UMOD: variants seen among roughly 807,000 people sequenced by gnomAD.
The protein encoded by UMOD is Tamm-Horsfall urinary glycoprotein.
A neutral mutation model predicts 66.0 loss-of-function variants in UMOD; 64 were observed. That is an observed-to-expected ratio of 0.97 (90% CI 0.79 to 1.19). The LOEUF (loss-of-function observed/expected upper bound fraction) is 1.19, where lower values mean the gene tolerates loss of function less well. Ranked by LOEUF, UMOD falls within the 50% of genes most tolerant of loss-of-function variation. The pLI is 0.00. For synonymous variants in UMOD, 398 were observed against 352.7 expected (o/e 1.13, Z -1.44); for missense variants, 764 against 850.9 (o/e 0.90, Z 1.27).
chr16:20,340,209 A>G (rs1965114559), intron 7 of UMOD, among the ~76,000 whole-genome samples: 1 of 152,194 alleles, frequency 6.6e-6, no homozygotes, highest in Non-Finnish European at 1.5e-5. Flanking sequence ...TTCTCAAAAT[A>G]TTAAAAACAT....
intron 1 of UMOD, among the ~76,000 whole-genome samples, chr16:20,351,844 C>T (rs1026651885): frequency 1.3e-5 from 2 of 151,874 alleles, no homozygotes; most frequent in Non-Finnish European, 2.9e-5. Context: ...ATGGTGAAAC[C>T]CCATCTCTAA....
chr16:20,349,957 TTCAC>T, intron 2 of UMOD: 1 of 1,385,178 alleles, frequency 7.2e-7, no homozygotes, highest in Non-Finnish European at 9.6e-7. Flanking sequence ...ATGTGCACTT[TTCAC>T]TCACTATCTT....
intron 2 of UMOD, chr16:20,349,912 G>T (rs926005721): frequency 2.0e-6 from 3 of 1,509,824 alleles, no homozygotes; most frequent in African/African-American, 1.4e-5. Context: ...AGAAGCTGTT[G>T]TTTATTAAGC....
chr16:20,337,817 T>A (rs1964968918), intron 7 of UMOD, among the ~76,000 whole-genome samples: 1 of 152,208 alleles, frequency 6.6e-6, no homozygotes, highest in Admixed American at 6.5e-5. Context: ...AGCTGCTATG[T>A]GCTATCTACA....
rs1441721309 is a variant in UMOD, at chr16:20,348,446, C to T, written c.855G>A (p.Ala285=). 2.5e-6 allele frequency: 4 copies of T among 1,613,678 alleles called. No individual in the cohort carries two copies. The highest frequency in any genetic ancestry group is 4.5e-5 in the East Asian group (2 of 44,900). ...GAGACTCCGGCTGACCTGTGCAGTA[C>T]GCCAGGTGACACTCGGGGGGCGCTG... ...NLTAPPECHL[A]YCTDPSSVEG... The change falls in exon 3 of 11, where the codon GCG becomes GCA. Residue 285 remains alanine (A), a synonymous_variant. Coordinates refer to ENST00000396138, the MANE Select transcript of UMOD (RefSeq NM_003361.4).
At chr16:20,342,073 T>C (rs1416093298) in intron 6 of UMOD, among the ~76,000 whole-genome samples, 1 of 152,224 alleles carries the variant, frequency 6.6e-6, no homozygotes, top group African/African-American at 2.4e-5. Context: ...GACCAGGTGC[T>C]GTGGCTCACG....
At chr16:20,344,196 GGGGGGGT>G in intron 5 of UMOD, 24 bp from the exon 6 acceptor site, 1 of 1,463,190 alleles carries the variant, frequency 6.8e-7, no homozygotes, top group African/African-American at 1.4e-5. Flanking sequence ...TGGGGGTGGA[GGGGGGGT>G]GGGGATGAGA....
intron 6 of UMOD, among the ~76,000 whole-genome samples, chr16:20,342,826 C>T (rs1965309739): frequency 6.6e-6 from 1 of 152,114 alleles, no homozygotes. Context: ...ATATAGTAAG[C>T]TCTCAATAAA....
chr16:20,349,340 C>T (rs1489830517), intron 2 of UMOD, 128 bp from the exon 3 acceptor site: 2 of 1,078,490 alleles, frequency 1.9e-6, no homozygotes, highest in East Asian at 5.2e-5. Context: ...CCCTCCAAAA[C>T]AAGGAAAGAA....
chr16:20,354,552 T>C (rs1428945754), upstream of UMOD, among the ~76,000 whole-genome samples: 1 of 152,144 alleles, frequency 6.6e-6, no homozygotes, highest in Non-Finnish European at 1.5e-5. Flanking sequence ...GAACTAGTCG[T>C]TTTTATCCTA....
chr16:20,336,095 G>C (rs915352604), intron 9 of UMOD, among the ~76,000 whole-genome samples: 1 of 152,170 alleles, frequency 6.6e-6, no homozygotes, highest in Non-Finnish European at 1.5e-5. Flanking sequence ...AGAAATTAAG[G>C]TTTAGGAGTC....
intron 5 of UMOD, among the ~76,000 whole-genome samples, 160 bp downstream of exon 5, chr16:20,345,966 C>T (rs987949344): frequency 6.6e-6 from 1 of 152,238 alleles, no homozygotes; most frequent in South Asian, 2.1e-4. Context: ...TCTCAATACA[C>T]CTGTGGAGTA....
chr16:20,343,950 G>A, intron 6 of UMOD, 74 bp downstream of exon 6: 1 of 1,576,404 alleles, frequency 6.3e-7, no homozygotes, highest in Non-Finnish European at 8.7e-7. Context: ...GGTGGCAGTT[G>A]ACAGGGAAGC....
chr16:20,351,714 G>A (rs1485689203), intron 1 of UMOD, among the ~76,000 whole-genome samples: 1 of 151,726 alleles, frequency 6.6e-6, no homozygotes, highest in African/African-American at 2.4e-5. Flanking sequence ...TGACCATGAT[G>A]TACTAAAAGA....
chr16:20,346,320 C>T lies in UMOD; in HGVS notation c.988G>A (p.Glu330Lys), dbSNP rs761806976. The T allele has an allele frequency of 1.9e-6, 3 of 1,614,224 alleles. No individual in the cohort carries two copies. Among genetic ancestry groups the T allele is most frequent in the Non-Finnish European group, 2.5e-6 (3 of 1,180,044 alleles). The change falls in exon 5 of 11, where the codon GAG becomes AAG. Residue 330 changes from glutamate to lysine, a missense_variant. Transcript: ENST00000396138. The stretch of plus-strand genomic sequence containing the variant: ...TTGGCCCCACATTCCAGCCTGTGCT[C>T]CAGGAGGGAGATATCTGAAACAGGT... The part of the protein sequence containing the change: ...DFNITDISLL[E>K]HRLECGANDM...
intron 10 of UMOD, among the ~76,000 whole-genome samples, chr16:20,333,621 C>T (rs1237790332): frequency 6.6e-6 from 1 of 152,140 alleles, no homozygotes; most frequent in Non-Finnish European, 1.5e-5. Flanking sequence ...TGTGAAGTGC[C>T]CAATCTATCC....
rs35561066 is a variant in UMOD, at chr16:20,348,343, AG to A, written c.866-14del. The A allele has an allele frequency of 6.2e-7, 1 of 1,614,180 alleles. No homozygotes were observed. The highest frequency in any genetic ancestry group is 1.7e-5 in the Admixed American group (1 of 60,028). On this transcript the variant is annotated splice_polypyrimidine_tract_variant and intron_variant, in intron 3 of 10. Transcript: ENST00000396138. ...ACGGAGCTGGGGTCTGCAGGGTCAC[AG>A]GGACAGACAGACAATCAATAAGGAC...
In UMOD at chr16:20,341,296, C is replaced by T. The variant is rs55772253; in HGVS notation, c.1372G>A (p.Val458Met). 13 of 1,613,934 alleles carry T rather than the reference C, an allele frequency of 8.1e-6. No homozygotes were observed. Among genetic ancestry groups the T allele is most frequent in the African/African-American group, 6.7e-5 (5 of 74,984 alleles). The change falls in exon 7 of 11, where the codon GTG (valine) becomes ATG (methionine). Residue 458 changes from valine (V) to methionine (M), a missense_variant. Transcript: ENST00000396138. Reference sequence around the variant, plus strand: ...GGGGTCTGGAAGAGCGCCATCCGCACGGTGAACATGCCGGTCCCGCCCACT... The same window carrying T: ...GGGGTCTGGAAGAGCGCCATCCGCATGGTGAACATGCCGGTCCCGCCCACT... ...IRVGGTGMFTVRMALFQTPSY... is the reference protein window; with the variant it reads ...IRVGGTGMFTMRMALFQTPSY...
chr16:20,341,490 C>T (rs1248075694), intron 6 of UMOD, among the ~76,000 whole-genome samples, 154 bp from the exon 7 acceptor site: 2 of 152,118 alleles, frequency 1.3e-5, no homozygotes, highest in Non-Finnish European at 2.9e-5. Flanking sequence ...CTTTGCAAAC[C>T]GCAATAAGTA....
Sources: gnomAD v4.1 joint callset for allele counts (sites outside exome capture counted in the v4.1 genomes callset) on GRCh38, gnomAD v4.1.1 for gene constraint, MANE v1.5 for transcripts, NCBI Gene and HGNC (gene_info 2026-07-23, HGNC 2026-07-21) for gene names.